YEATS2: variants seen among roughly 807,000 people sequenced by gnomAD.
YEATS2 encodes YEATS domain containing 2.
YEATS2 carries 77 observed loss-of-function variants against 163.2 expected under a neutral mutation model. That is an observed-to-expected ratio of 0.47 (90% CI 0.39 to 0.57). The LOEUF (loss-of-function observed/expected upper bound fraction) is 0.57, where lower values mean the gene tolerates loss of function less well. YEATS2 is among the 20% of genes least tolerant of loss of function. The probability of loss-of-function intolerance (pLI) is 0.00; values close to 1 mark genes in which losing one functional copy is unlikely to be tolerated. For synonymous variants in YEATS2, 631 were observed against 645.1 expected (o/e 0.98, Z 0.33); for missense variants, 1,549 against 1,729.8 (o/e 0.90, Z 1.85).
chr3:183,709,834 C>G lies in YEATS2; in HGVS notation c.-19-5310C>G, dbSNP rs542068155. On this transcript the variant is annotated intron_variant, in intron 1 of 30. Transcript: ENST00000305135. ...CTAGGACTACAGGTGCCCGCCACCA[C>G]GCCCGGCTAATTTTTTGTATTTTTT... 1.6e-3 allele frequency among the ~76,000 whole-genome samples: 243 copies of G among 151,916 alleles called. 1 individual carries two copies. The highest frequency in any genetic ancestry group is 5.7e-3 in the African/African-American group (238 of 41,430).
chr3:183,773,744 A>G lies in YEATS2; in HGVS notation c.2318A>G (p.Lys773Arg). 6.2e-7 allele frequency: 1 copy of G among 1,613,560 alleles called. No homozygotes were observed. Among genetic ancestry groups the G allele is most frequent in the Non-Finnish European group, 8.5e-7 (1 of 1,179,838 alleles). Reference sequence around the variant, plus strand: ...AGCAAGAACCCTTCAGGAAAAGGAAAACTGCTGCTGATCCCTCAAGGAGCC... The same window carrying G: ...AGCAAGAACCCTTCAGGAAAAGGAAGACTGCTGCTGATCCCTCAAGGAGCC... ...TNSKNPSGKG[K>R]LLLIPQGAIL... The change falls in exon 17 of 31, where the codon AAA becomes AGA. Residue 773 changes from lysine to arginine, a missense_variant. Transcript: ENST00000305135.
Position 183,754,648 on chromosome 3 carries a change from A to G in YEATS2, c.1390+283A>G, listed in dbSNP as rs79720678. Among the ~76,000 whole-genome samples, 1,863 of 152,322 alleles carry G rather than the reference A, an allele frequency of 0.012. 68 individuals are homozygous for G. The East Asian group carries it at 0.14, about 12-fold the overall frequency. On this transcript the variant is annotated intron_variant, in intron 11 of 30. Coordinates refer to ENST00000305135, the MANE Select transcript of YEATS2 (RefSeq NM_018023.5). Reference sequence around the variant, plus strand: ...AATGTTTGCTAGGATATATGGCTGAAACTAAGGTGTAGGAATCGTGTTTGG... The same window carrying G: ...AATGTTTGCTAGGATATATGGCTGAGACTAAGGTGTAGGAATCGTGTTTGG...
chr3:183,735,204 G>T (rs955291028), intron 7 of YEATS2, among the ~76,000 whole-genome samples: 1 of 152,164 alleles, frequency 6.6e-6, no homozygotes, highest in South Asian at 2.1e-4. Context: ...GTGTGATTGA[G>T]GCATATTGCA....
chr3:183,799,711 C>T (rs1203752303), intron 23 of YEATS2, among the ~76,000 whole-genome samples: 5 of 151,762 alleles, frequency 3.3e-5, no homozygotes, highest in Non-Finnish European at 5.9e-5. Context: ...TGTCTCAGAA[C>T]ACTAAGATAA....
intron 22 of YEATS2, among the ~76,000 whole-genome samples, chr3:183,798,279 T>C (rs1422061595): frequency 6.6e-6 from 1 of 151,980 alleles, no homozygotes; most frequent in Non-Finnish European, 1.5e-5. Context: ...TCTAAACAGC[T>C]GCCCTTATCT....
At chr3:183,797,870 CT>C in intron 21 of YEATS2, 52 bp from the exon 22 acceptor site, 4 of 1,609,462 alleles carry the variant, frequency 2.5e-6, no homozygotes, top group Non-Finnish European at 3.4e-6. Context: ...GGATAAGAGA[CT>C]TTCCCGAAGC....
chr3:183,790,702 A>G (rs1384241697), intron 20 of YEATS2, 95 bp from the exon 21 acceptor site: 5 of 1,320,270 alleles, frequency 3.8e-6, no homozygotes, highest in African/African-American at 1.5e-5. Context: ...CTAATAGATG[A>G]TATTTAGTGT....
chr3:183,790,535 G>A (rs1560319320), intron 20 of YEATS2, among the ~76,000 whole-genome samples: 1 of 152,134 alleles, frequency 6.6e-6, no homozygotes, highest in South Asian at 2.1e-4. Flanking sequence ...GATATAATAG[G>A]TGGTGAATTT....
At chr3:183,757,966 G>A (rs1720941577) in intron 12 of YEATS2, among the ~76,000 whole-genome samples, 1 of 152,156 alleles carries the variant, frequency 6.6e-6, no homozygotes, top group Admixed American at 6.5e-5. Flanking sequence ...TGGAGTAAAT[G>A]ATTAAATACT....
Position 183,776,086 on chromosome 3 carries a change from T to A in YEATS2, c.2540T>A (p.Leu847Gln). The stretch of plus-strand genomic sequence containing the variant: ...GGCCCTGGAGGGATATCTCAGCACC[T>A]GACTTACACATCTTACATCCTCAAG... ...TAGPGGISQH[L>Q]TYTSYILKQT... Residue 847 changes from leucine to glutamine, a missense_variant, in exon 18 of 31, where the codon CTG becomes CAG. Coordinates refer to ENST00000305135, the MANE Select transcript of YEATS2 (RefSeq NM_018023.5). 1 of 1,604,736 alleles carries A rather than the reference T, an allele frequency of 6.2e-7. No individual in the cohort carries two copies. Among genetic ancestry groups the A allele is most frequent in the Non-Finnish European group, 8.5e-7 (1 of 1,175,492 alleles).
chr3:183,770,327 T>C (rs1483509389), intron 15 of YEATS2, among the ~76,000 whole-genome samples: 1 of 151,874 alleles, frequency 6.6e-6, no homozygotes, highest in African/African-American at 2.4e-5. Flanking sequence ...GAGGTTGCAG[T>C]GAGCCGAGAT....
At chr3:183,738,318 G>A (rs1243452384) in intron 8 of YEATS2, among the ~76,000 whole-genome samples, 2 of 149,568 alleles carry the variant, frequency 1.3e-5, no homozygotes, top group Non-Finnish European at 3.0e-5. Flanking sequence ...AAAAAAGCAT[G>A]TTGAAAGCCA....
intron 19 of YEATS2, among the ~76,000 whole-genome samples, chr3:183,778,407 A>G (rs1036453745): frequency 4.6e-5 from 7 of 152,352 alleles, no homozygotes; most frequent in African/African-American, 1.7e-4. Flanking sequence ...ACTTTGTTGT[A>G]AAATTTCTCC....
chr3:183,810,366 C>G, intron 30 of YEATS2, 109 bp from the exon 31 acceptor site: 1 of 991,624 alleles, frequency 1.0e-6, no homozygotes, highest in Non-Finnish European at 1.5e-6. Flanking sequence ...CAGGAGCCCT[C>G]TCCACGGGGC....
chr3:183,799,854 AT>A (rs1311266733), intron 23 of YEATS2, among the ~76,000 whole-genome samples: 1 of 123,886 alleles, frequency 8.1e-6, no homozygotes, highest in East Asian at 2.6e-4. Flanking sequence ...TTGTTTTGAG[AT>A]GGAGTCTCAC....
At chr3:183,714,738 A>T (rs1715652572) in intron 1 of YEATS2, among the ~76,000 whole-genome samples, 1 of 152,160 alleles carries the variant, frequency 6.6e-6, no homozygotes, top group African/African-American at 2.4e-5. Flanking sequence ...GTGAATTCTA[A>T]GACACTGTGT....
At chr3:183,743,955 G>A (rs1341090372) in intron 8 of YEATS2, among the ~76,000 whole-genome samples, 4 of 151,880 alleles carry the variant, frequency 2.6e-5, no homozygotes, top group Non-Finnish European at 4.4e-5. Flanking sequence ...CTTAACCTGC[G>A]GCTTAAGTTA....
intron 1 of YEATS2, among the ~76,000 whole-genome samples, chr3:183,705,851 A>C (rs1714562473): frequency 6.6e-6 from 1 of 152,050 alleles, no homozygotes; most frequent in Admixed American, 6.6e-5. Context: ...CATCCTGGCT[A>C]ACATGGTGGA....
intron 15 of YEATS2, among the ~76,000 whole-genome samples, chr3:183,768,356 C>G (rs921054502): frequency 7.9e-5 from 12 of 152,192 alleles, no homozygotes; most frequent in African/African-American, 2.7e-4. Flanking sequence ...TCCCGTTAGC[C>G]AGAAAGCAAA....
Sources: allele counts gnomAD v4.1 joint callset (sites outside exome capture counted in the v4.1 genomes callset), GRCh38; gene constraint gnomAD v4.1.1; transcripts MANE v1.5; gene names NCBI Gene and HGNC (gene_info 2026-07-23, HGNC 2026-07-21).